Variants in NFIA observed in about 807,000 individuals in gnomAD.
NFIA encodes the protein nuclear factor 1 A-type.
NFIA carries 8 observed loss-of-function variants against 62.8 expected under a neutral mutation model. The ratio of observed to expected loss-of-function variants is 0.13; its 90% confidence interval spans 0.07 to 0.23. The LOEUF (loss-of-function observed/expected upper bound fraction) is 0.23, where lower values mean the gene tolerates loss of function less well. Among genes scored for constraint, NFIA ranks in the 10% least tolerant of loss-of-function variants. The pLI, the probability that NFIA is intolerant of heterozygous loss-of-function variation, is 1.00. For missense variants in NFIA, 410 were observed against 642.1 expected, an observed-to-expected ratio of 0.64 and a Z score of 3.91; for synonymous variants, 235 against 238.1, an observed-to-expected ratio of 0.99 and a Z score of 0.12.
chr1:61,093,958 C>G (rs1362555659), intron 2 of NFIA, among the ~76,000 whole-genome samples: 3 of 152,204 alleles, frequency 2.0e-5, no homozygotes, highest in African/African-American at 7.2e-5. Flanking sequence ...GTTAAGGCCT[C>G]AAGCTGCTTC....
At position 61,332,616 on chromosome 1, in the gene NFIA, A is replaced by G. The variant is rs751059169; in HGVS notation, c.700+30A>G. The stretch of plus-strand genomic sequence containing the variant: ...GTATAATTTTGCTTTGATTTGGTAC[A>G]GATTTGCCTTGGTTTGTGCTTACTT... On this transcript the variant is annotated intron_variant, in intron 4 of 10. Transcript: ENST00000403491. 1.9e-6 allele frequency: 3 copies of G among 1,598,064 alleles called. No individual in the cohort carries two copies. The South Asian group carries it at 3.3e-5, about 18-fold the overall frequency.
rs34810765 is a variant in NFIA, at chr1:61,147,155, C to CT, written c.559+58488dup. On this transcript the variant is annotated intron_variant, in intron 2 of 10. Transcript: ENST00000403491. The stretch of plus-strand genomic sequence containing the variant: ...AAGGTGAATGCCTGATTCTTTAAAT[C>CT]TTTTTTTTTTTTTGAGATGGCGTCT... Among the ~76,000 whole-genome samples the CT allele has an allele frequency of 2.3e-3, 329 of 145,434 alleles. 1 individual carries two copies. The highest frequency in any genetic ancestry group is 5.2e-3 in the African/African-American group (207 of 39,722).
At chr1:61,095,530 T>C (rs967241948) in intron 2 of NFIA, among the ~76,000 whole-genome samples, 7 of 152,180 alleles carry the variant, frequency 4.6e-5, no homozygotes, top group Admixed American at 2.0e-4. Flanking sequence ...CACACACCTG[T>C]CTTGAATCAA....
chr1:61,351,666 A>C (rs1007377997), intron 4 of NFIA, among the ~76,000 whole-genome samples: 1 of 152,248 alleles, frequency 6.6e-6, no homozygotes, highest in Admixed American at 6.5e-5. Context: ...AAATGCAAGG[A>C]ATCAGTCTCA....
rs1339598151 is a variant in NFIA at position 61,461,361 on chromosome 1, ACT to A, written c.*6044_*6045del. ...TTGCAATATTTTCTTCAAAAATAAAACTCTGTACAAACTTTGGGCCCGATTCA... is the reference window on the plus strand; with the variant it reads ...TTGCAATATTTTCTTCAAAAATAAAACTGTACAAACTTTGGGCCCGATTCA... On this transcript the variant is annotated 3_prime_UTR_variant, in exon 11 of 11. Transcript: ENST00000403491. 1.1e-4 allele frequency: 16 copies of A among 152,134 alleles called. No individual in the cohort carries two copies. The highest frequency in any genetic ancestry group is 4.1e-4 in the South Asian group (2 of 4,828). The allele number at this position is 152,134 out of a possible 1,614,324, so 9.4% of individuals were successfully genotyped here.
chr1:61,331,436 T>C (rs1015128466), intron 3 of NFIA, among the ~76,000 whole-genome samples: 2 of 152,218 alleles, frequency 1.3e-5, no homozygotes, highest in Non-Finnish European at 2.9e-5. Flanking sequence ...TCCCTCAGTA[T>C]TGTATGAAAT....
At chr1:61,425,821 G>T (rs1435399450) in intron 9 of NFIA, among the ~76,000 whole-genome samples, 1 of 152,324 alleles carries the variant, frequency 6.6e-6, no homozygotes, top group South Asian at 2.1e-4. Context: ...GATAGTTTAT[G>T]CCTGAACAGA....
chr1:61,200,762 G>T (rs1482008333), intron 2 of NFIA, among the ~76,000 whole-genome samples: 1 of 152,026 alleles, frequency 6.6e-6, no homozygotes, highest in African/African-American at 2.4e-5. Context: ...AAAAGATGAA[G>T]AAAACCTAAA....
At chr1:61,430,144 C>T (rs987430378) in intron 10 of NFIA, among the ~76,000 whole-genome samples, 1 of 152,144 alleles carries the variant, frequency 6.6e-6, no homozygotes, top group Non-Finnish European at 1.5e-5. Context: ...TCCTTTTCAC[C>T]TCTTAGGAGT....
chr1:61,152,833 A>C (rs1279595971), intron 2 of NFIA, among the ~76,000 whole-genome samples: 1 of 152,150 alleles, frequency 6.6e-6, no homozygotes, highest in East Asian at 1.9e-4. Context: ...TTGTAGGGCT[A>C]ATACTGTATT....
At chr1:61,333,599 T>C (rs929254383) in intron 4 of NFIA, among the ~76,000 whole-genome samples, 2 of 152,248 alleles carry the variant, frequency 1.3e-5, no homozygotes, top group African/African-American at 4.8e-5. Context: ...TAGGCCTTAG[T>C]GTAAGGTACA....
chr1:61,432,208 C>A (rs1402584733), intron 10 of NFIA, among the ~76,000 whole-genome samples: 1 of 135,412 alleles, frequency 7.4e-6, no homozygotes, highest in Non-Finnish European at 1.5e-5. Flanking sequence ...GGTTCTTGTA[C>A]ACTTTTCCCT....
intron 2 of NFIA, among the ~76,000 whole-genome samples, chr1:61,125,900 C>G (rs1397235609): frequency 3.9e-5 from 6 of 152,116 alleles, no homozygotes; most frequent in Non-Finnish European, 5.9e-5. Flanking sequence ...ACCCTGAAAG[C>G]CTCTGCTTAA....
chr1:61,433,562 A>G (rs1376878916), intron 10 of NFIA, among the ~76,000 whole-genome samples: 2 of 152,110 alleles, frequency 1.3e-5, no homozygotes, highest in Non-Finnish European at 2.9e-5. Context: ...ACACACACAC[A>G]CACACCCTTA....
chr1:61,141,959 A>G (rs1341238474), intron 2 of NFIA, among the ~76,000 whole-genome samples: 1 of 152,216 alleles, frequency 6.6e-6, no homozygotes, highest in African/African-American at 2.4e-5. Flanking sequence ...ACTTACAGGA[A>G]CAGAATGGCG....
intron 4 of NFIA, among the ~76,000 whole-genome samples, chr1:61,338,154 G>A (rs746464270): frequency 6.6e-6 from 1 of 152,206 alleles, no homozygotes; most frequent in Non-Finnish European, 1.5e-5. Context: ...GAAAAGCCAG[G>A]ATTCTCAGTA....
intron 7 of NFIA, chr1:61,386,056 T>C (rs1309018401): frequency 6.6e-6 from 1 of 152,204 alleles, no homozygotes; most frequent in Non-Finnish European, 1.5e-5. Flanking sequence ...TAAGACATTT[T>C]TCTGGCTAAG....
At chr1:61,385,538 T>G (rs6686758) in intron 7 of NFIA, among the ~76,000 whole-genome samples, 28,007 of 152,162 alleles carry the variant, frequency 0.18, 3,015 homozygotes, top group East Asian at 0.36. Context: ...TTTGTGGAGA[T>G]TCCATGAAGA....
rs1021363555 is a variant in NFIA, at chr1:61,460,841, A to G, written c.*5521A>G. 6.6e-6 allele frequency: 1 copy of G among 152,186 alleles called. No homozygotes were observed. The highest frequency in any genetic ancestry group is 1.5e-5 in the Non-Finnish European group (1 of 68,030). The allele number at this position is 152,186 out of a possible 1,614,324, so 9.4% of individuals were successfully genotyped here. On this transcript the variant is annotated 3_prime_UTR_variant, in exon 11 of 11. Coordinates refer to ENST00000403491, the MANE Select transcript of NFIA (RefSeq NM_001134673.4). ...CCATAATGCTTAGTGAACTGTATGAATATTACTCAAAGTTATGTTAGTCTT... is the reference window on the plus strand; with the variant it reads ...CCATAATGCTTAGTGAACTGTATGAGTATTACTCAAAGTTATGTTAGTCTT...
Sources: allele counts gnomAD v4.1 joint callset (sites outside exome capture counted in the v4.1 genomes callset), GRCh38; gene constraint gnomAD v4.1.1; transcripts MANE v1.5; gene names NCBI Gene and HGNC (gene_info 2026-07-23, HGNC 2026-07-21).